MAGI1: variants seen among roughly 807,000 people sequenced by gnomAD.
MAGI1 encodes membrane-associated guanylate kinase, WW and PDZ domain-containing protein 1.
In MAGI1, 58 loss-of-function variants were observed where a neutral mutation model predicts 139.9. That is an observed-to-expected ratio of 0.41 (90% confidence interval 0.34 to 0.52). The LOEUF is 0.52. Ranked by LOEUF, MAGI1 falls within the 20% of genes least tolerant of loss-of-function variation. The pLI is 0.12. For synonymous variants in MAGI1, 812 were observed against 737.9 expected (o/e 1.10, Z -1.63); for missense variants, 1,874 against 1,901.6 (o/e 0.99, Z 0.27).
At chr3:65,408,689 A>G (rs1945545972) in intron 12 of MAGI1, among the ~76,000 whole-genome samples, 1 of 152,248 alleles carries the variant, frequency 6.6e-6, no homozygotes, top group Non-Finnish European at 1.5e-5. Context: ...TAGAGAATAT[A>G]TAAGCCATGA....
intron 1 of MAGI1, among the ~76,000 whole-genome samples, chr3:65,708,624 T>C (rs1453530070): frequency 6.8e-6 from 1 of 147,022 alleles, no homozygotes. Context: ...AAAGGAAGGA[T>C]GAAAAAGTGA....
chr3:65,931,301 G>A (rs2062797303), intron 1 of MAGI1, among the ~76,000 whole-genome samples: 1 of 152,150 alleles, frequency 6.6e-6, no homozygotes, highest in African/African-American at 2.4e-5. Flanking sequence ...CCAAAGTGCT[G>A]AGATTACAGG....
rs953579113 is a variant in MAGI1 at position 65,588,728 on chromosome 3, C to T, written c.430+33244G>A. The stretch of plus-strand genomic sequence containing the variant: ...ATTCTCTACTAAAATAAAAGTTCCC[C>T]AAGGGAAAGAAGTGTTAATTATTGT... On this transcript the variant is annotated intron_variant, in intron 2 of 22. Transcript: ENST00000402939. 4.7e-4 allele frequency among the ~76,000 whole-genome samples: 72 copies of T among 152,192 alleles called. 1 individual carries two copies. Among genetic ancestry groups the T allele is most frequent in the African/African-American group, 1.7e-3 (71 of 41,510 alleles).
intron 2 of MAGI1, among the ~76,000 whole-genome samples, chr3:65,558,797 T>C (rs936706922): frequency 6.6e-6 from 1 of 151,958 alleles, no homozygotes; most frequent in Non-Finnish European, 1.5e-5. Context: ...ACTCAGAAAA[T>C]AGATTATATT....
intron 14 of MAGI1, chr3:65,387,208 G>T (rs747233154): frequency 1.1e-5 from 17 of 1,613,662 alleles, no homozygotes; most frequent in Non-Finnish European, 1.4e-5. Flanking sequence ...CAATCCCGAC[G>T]CAGGTGAAGG....
intron 2 of MAGI1, among the ~76,000 whole-genome samples, chr3:65,574,856 G>C (rs74669181): frequency 1.9e-4 from 29 of 152,158 alleles, no homozygotes; most frequent in Non-Finnish European, 3.8e-4. Flanking sequence ...ATTAAGTGGA[G>C]AAAGGAAATC....
chr3:65,744,462 T>C (rs987292468), intron 1 of MAGI1, among the ~76,000 whole-genome samples: 8 of 152,162 alleles, frequency 5.3e-5, no homozygotes, highest in Admixed American at 3.3e-4. Flanking sequence ...ATAACAAGAA[T>C]AGGCTGAGAA....
At chr3:65,574,800 C>T (rs1235023720) in intron 2 of MAGI1, among the ~76,000 whole-genome samples, 1 of 151,884 alleles carries the variant, frequency 6.6e-6, no homozygotes, top group Non-Finnish European at 1.5e-5. Context: ...AAGAAATAAG[C>T]CCTCACATAT....
intron 1 of MAGI1, among the ~76,000 whole-genome samples, chr3:65,940,396 G>T (rs1434715129): frequency 6.6e-6 from 1 of 152,202 alleles, no homozygotes; most frequent in Non-Finnish European, 1.5e-5. Context: ...TTCCAGCACA[G>T]TCAGATTCTG....
At chr3:66,018,598 A>C (rs1351791447) in intron 1 of MAGI1, among the ~76,000 whole-genome samples, 1 of 152,242 alleles carries the variant, frequency 6.6e-6, no homozygotes, top group Non-Finnish European at 1.5e-5. Context: ...ATCTTGCCTC[A>C]CATGGATCAT....
chr3:65,935,335 G>A (rs1201951484), intron 1 of MAGI1, among the ~76,000 whole-genome samples: 2 of 152,176 alleles, frequency 1.3e-5, no homozygotes, highest in Non-Finnish European at 2.9e-5. Flanking sequence ...TTTGTAGATT[G>A]AATTCTCTGC....
At chr3:65,696,341 T>A (rs2089185393) in intron 1 of MAGI1, among the ~76,000 whole-genome samples, 1 of 152,146 alleles carries the variant, frequency 6.6e-6, no homozygotes, top group South Asian at 2.1e-4. Context: ...TTTTTAATTA[T>A]CTGTTTTCTT....
intron 5 of MAGI1, among the ~76,000 whole-genome samples, chr3:65,458,924 T>C (rs1015229503): frequency 9.2e-5 from 14 of 152,226 alleles, no homozygotes; most frequent in Non-Finnish European, 1.9e-4. Context: ...TTCGGTAGTT[T>C]CATAGTTGGA....
chr3:65,356,150 CA>C lies in MAGI1; in HGVS notation c.*227del, dbSNP rs1213346649. On this transcript the variant is annotated 3_prime_UTR_variant, in exon 23 of 23. Transcript: ENST00000402939. ...GGGCCAGCATTTGGCAAATAATTTC[CA>C]AAAAAGTATGCATTTAAAAATACTT... 1.1e-4 allele frequency: 44 copies of C among 398,524 alleles called. No individual in the cohort carries two copies. The East Asian group carries it at 1.7e-3, about 15-fold the overall frequency. 24.7% of individuals were successfully genotyped at this position (398,524 alleles called of 1,614,324 possible). A position where few individuals can be genotyped will look rare whatever the true frequency, so the allele number is the denominator to read the frequency against.
At chr3:65,801,846 T>C (rs1167918846) in intron 1 of MAGI1, among the ~76,000 whole-genome samples, 1 of 152,086 alleles carries the variant, frequency 6.6e-6, no homozygotes. Flanking sequence ...CTGCTACCAG[T>C]CCATGGCCTG....
intron 18 of MAGI1, among the ~76,000 whole-genome samples, chr3:65,369,048 C>A (rs577795480): frequency 6.6e-6 from 1 of 152,256 alleles, no homozygotes; most frequent in East Asian, 1.9e-4. Flanking sequence ...TTCAGCTATT[C>A]TCTGGGCCCT....
intron 1 of MAGI1, among the ~76,000 whole-genome samples, chr3:65,975,370 A>G (rs2065213880): frequency 1.3e-5 from 2 of 152,242 alleles, no homozygotes; most frequent in Admixed American, 1.3e-4. Flanking sequence ...ATACCAGCAT[A>G]TTGAAATGCT....
rs200894076 is a variant in MAGI1, at chr3:65,979,088, T to TCCCCCCCCCCC, written c.313+58907_313+58908insGGGGGGGGGGG. Among the ~76,000 whole-genome samples the TCCCCCCCCCCC allele has an allele frequency of 1.8e-3, 97 of 52,976 alleles. 1 individual carries two copies. The highest frequency in any genetic ancestry group is 2.2e-3 in the African/African-American group (31 of 14,386). The allele number at this position is 52,976 out of a possible 152,430, so 34.8% of individuals were successfully genotyped here. A position where few individuals can be genotyped will look rare whatever the true frequency, so the allele number is the denominator to read the frequency against. On this transcript the variant is annotated intron_variant, in intron 1 of 22. Coordinates refer to ENST00000402939, the MANE Select transcript of MAGI1 (RefSeq NM_001033057.2). The stretch of plus-strand genomic sequence containing the variant: ...AACAGCCAAAGTTTTTTTCTTTTCT[T>TCCCCCCCCCCC]CCCCCCCCCCGCCACCCCCCACAGC...
chr3:65,752,636 T>C (rs1479769793), intron 1 of MAGI1, among the ~76,000 whole-genome samples: 1 of 152,204 alleles, frequency 6.6e-6, no homozygotes, highest in African/African-American at 2.4e-5. Flanking sequence ...CCTTGATGTG[T>C]GTTCACAAAG....
Sources: gnomAD v4.1 joint callset for allele counts (sites outside exome capture counted in the v4.1 genomes callset) on GRCh38, gnomAD v4.1.1 for gene constraint, MANE v1.5 for transcripts, NCBI Gene and HGNC (gene_info 2026-07-23, HGNC 2026-07-21) for gene names.